PFKM: variants seen among roughly 807,000 people sequenced by gnomAD.
PFKM encodes phosphofructokinase, muscle.
PFKM carries 58 observed loss-of-function variants against 95.5 expected under a neutral mutation model. The ratio of observed to expected loss-of-function variants is 0.61; its 90% CI spans 0.49 to 0.76. PFKM has a LOEUF of 0.76. PFKM is among the 30% of genes least tolerant of loss of function. The probability of loss-of-function intolerance (pLI) is 0.00; values close to 1 mark genes in which losing one functional copy is unlikely to be tolerated. For synonymous variants in PFKM, 336 were observed against 357.2 expected (o/e 0.94, Z 0.67); for missense variants, 678 against 1,005.4 (o/e 0.67, Z 4.40).
chr12:48,139,521 G>T, intron 12 of PFKM, 172 bp downstream of exon 12: 1 of 671,184 alleles, frequency 1.5e-6, no homozygotes, highest in South Asian at 1.6e-5. Context: ...GGGAGGCTCA[G>T]TTCATCTCAG....
At chr12:48,130,502 C>T in intron 3 of PFKM, 66 bp downstream of exon 3, 1 of 1,203,044 alleles carries the variant, frequency 8.3e-7, no homozygotes. Context: ...CTTCTATCCC[C>T]TTCCCACATT....
chr12:48,113,106 C>T (rs1201521972), intron 3 of PFKM, among the ~76,000 whole-genome samples: 2 of 152,092 alleles, frequency 1.3e-5, no homozygotes, highest in Admixed American at 1.3e-4. Context: ...ATGCCTTGAC[C>T]TAACAAGGGA....
chr12:48,131,652 C>T (rs867643237), intron 4 of PFKM: 2 of 511,788 alleles, frequency 3.9e-6, no homozygotes, highest in Middle Eastern at 5.5e-4. Flanking sequence ...ACTATGGGGA[C>T]TGACACATAA....
At chr12:48,139,553 C>T (rs1277167155) in intron 12 of PFKM, 3 of 628,352 alleles carry the variant, frequency 4.8e-6, no homozygotes, top group South Asian at 1.9e-5. Flanking sequence ...CTGGCATCAA[C>T]CTTTTATAAT....
At chr12:48,142,208 C>A (rs1950634349) in intron 17 of PFKM, 142 bp downstream of exon 17, 2 of 900,600 alleles carry the variant, frequency 2.2e-6, no homozygotes, top group Admixed American at 1.9e-5. Flanking sequence ...CATGGTGGCT[C>A]ACACTTCTAA....
chr12:48,134,773 C>T lies in PFKM; in HGVS notation c.691C>T (p.Pro231Ser). ...CTGTGGGGCCGACTGGGTTTTTATT[C>T]CTGAATGTCCACCAGATGACGACTG... ...LSCGADWVFI[P>S]ECPPDDDWEE... The change falls in exon 8 of 23, where the codon CCT (proline) becomes TCT (serine). Residue 231 changes from proline (P) to serine (S), a missense_variant. Transcript: ENST00000359794. 6.2e-7 allele frequency: 1 copy of T among 1,614,124 alleles called. No homozygotes were observed. Among genetic ancestry groups the T allele is most frequent in the Non-Finnish European group, 8.5e-7 (1 of 1,179,988 alleles).
chr12:48,112,050 TG>T (rs1947240272), intron 3 of PFKM, among the ~76,000 whole-genome samples: 1 of 152,138 alleles, frequency 6.6e-6, no homozygotes, highest in Non-Finnish European at 1.5e-5. Context: ...TCAAGTCATT[TG>T]GATAAAAAGG....
chr12:48,120,812 G>C (rs1368716619), intron 1 of PFKM, among the ~76,000 whole-genome samples: 1 of 152,190 alleles, frequency 6.6e-6, no homozygotes, highest in Non-Finnish European at 1.5e-5. Flanking sequence ...GCTGACCCCT[G>C]ATCTAGTCCA....
At chr12:48,138,031 T>C (rs941226354) in intron 11 of PFKM, among the ~76,000 whole-genome samples, 185 bp downstream of exon 11, 15 of 152,164 alleles carry the variant, frequency 9.9e-5, no homozygotes, top group African/African-American at 3.6e-4. Flanking sequence ...TAAGCTTCAG[T>C]GTTCCCATCT....
chr12:48,122,503 A>T (rs1948389673), intron 1 of PFKM: 1 of 1,052,358 alleles, frequency 9.5e-7, no homozygotes, highest in Admixed American at 3.6e-5. Context: ...TTCCCCAAAT[A>T]GGTTCCAATT....
In PFKM at chr12:48,139,550, C is replaced by T. The variant is rs1233336596; in HGVS notation, c.1127+201C>T. On this transcript the variant is annotated intron_variant, in intron 12 of 22. Transcript: ENST00000359794. ...ATCTCAGGGGTGTGGTCCCTGGCAT[C>T]AACCTTTTATAATCTGTTATTTCTA... 4.8e-6 allele frequency: 3 copies of T among 631,240 alleles called. No individual in the cohort carries two copies. In the African/African-American group the frequency reaches 5.5e-5, roughly 12 times the overall value. 39.1% of individuals were successfully genotyped at this position (631,240 alleles called of 1,614,324 possible).
chr12:48,145,249 T>C lies in PFKM; in HGVS notation c.2132T>C (p.Leu711Pro). The change falls in exon 22 of 23, where the codon CTG becomes CCG. Residue 711 changes from leucine to proline, a missense_variant. Transcript: ENST00000359794. The surrounding 1 kb of genome is among the most constrained non-coding windows in gnomAD (Gnocchi z 4.3). ...FANTPDSGCVLGMRKRALVFQ... is the reference protein window; with the variant it reads ...FANTPDSGCVPGMRKRALVFQ... The stretch of plus-strand genomic sequence containing the variant: ...AATACTCCAGATTCGGGCTGTGTTC[T>C]GGGGATGCGTAAGAGGGCTCTGGTC... 6.2e-7 allele frequency: 1 copy of C among 1,614,180 alleles called. No individual in the cohort carries two copies. The highest frequency in any genetic ancestry group is 8.5e-7 in the Non-Finnish European group (1 of 1,180,028).
At chr12:48,107,890 TTCCCCCA>T (rs911618384) in intron 2 of PFKM, among the ~76,000 whole-genome samples, 4 of 152,200 alleles carry the variant, frequency 2.6e-5, no homozygotes, top group African/African-American at 9.6e-5. Flanking sequence ...ATGTTCTGCT[TTCCCCCA>T]TGTATGTCAA....
rs778761447 is a variant in PFKM, at chr12:48,129,210, C to CTTTTT, written c.86-1124_86-1120dup. On this transcript the variant is annotated intron_variant, in intron 2 of 22. Transcript: ENST00000359794. ...GTTCTGTTTTGTTTTAATTTTCTTTCTTTTTTTTTTTTTTTTTTTTTTTTT... is the reference window on the plus strand; with the variant it reads ...GTTCTGTTTTGTTTTAATTTTCTTTCTTTTTTTTTTTTTTTTTTTTTTTTTTTTTT... Among the ~76,000 whole-genome samples, 142 of 21,996 alleles carry CTTTTT rather than the reference C, an allele frequency of 6.5e-3. 13 individuals are homozygous for CTTTTT. Among genetic ancestry groups the CTTTTT allele is most frequent in the Non-Finnish European group, 0.01 (116 of 11,450 alleles). 14.4% of individuals were successfully genotyped at this position (21,996 alleles called of 152,430 possible). A position where few individuals can be genotyped will look rare whatever the true frequency, so the allele number is the denominator to read the frequency against.
chr12:48,138,100 T>C (rs1033015390), intron 11 of PFKM, among the ~76,000 whole-genome samples: 1 of 152,190 alleles, frequency 6.6e-6, no homozygotes, highest in African/African-American at 2.4e-5. Flanking sequence ...TGAAACCCAG[T>C]ATCTCATAAT....
Position 48,133,793 on chromosome 12 carries a change from C to T in PFKM, c.593+313C>T, listed in dbSNP as rs114554874. On this transcript the variant is annotated intron_variant, in intron 6 of 22. Coordinates refer to ENST00000359794, the MANE Select transcript of PFKM (RefSeq NM_000289.6). ...ATCTAGGGAGCCCAGACATGAGCTA[C>T]GCTTTCCAACCATATCATAGAAAGT... 9.2e-3 allele frequency among the ~76,000 whole-genome samples: 1,400 copies of T among 152,224 alleles called. 21 individuals are homozygous for T. The highest frequency in any genetic ancestry group is 0.029 in the African/African-American group (1,189 of 41,528).
At chr12:48,107,493 ATGGG>A in intron 2 of PFKM, 6 of 1,336,100 alleles carry the variant, frequency 4.5e-6, no homozygotes, top group Non-Finnish European at 6.4e-6. Context: ...GTGACAGAGA[ATGGG>A]TTCTCTCACA....
chr12:48,112,848 A>G (rs1343171820), intron 3 of PFKM, among the ~76,000 whole-genome samples: 1 of 151,684 alleles, frequency 6.6e-6, no homozygotes, highest in East Asian at 1.9e-4. Flanking sequence ...ACAGGCTTTA[A>G]TCCTTTTAAA....
intron 10 of PFKM, chr12:48,137,442 A>C: frequency 1.9e-5 from 9 of 477,504 alleles, no homozygotes; most frequent in East Asian, 8.2e-5. Context: ...TAAGAAGGGA[A>C]TATTATTAAG....
Sources: allele counts gnomAD v4.1 joint callset (sites outside exome capture counted in the v4.1 genomes callset), GRCh38; gene constraint gnomAD v4.1.1; non-coding constraint Gnocchi (gnomAD v3.1); transcripts MANE v1.5; gene names NCBI Gene and HGNC (gene_info 2026-07-23, HGNC 2026-07-21).